BANK1: variants seen among roughly 807,000 people sequenced by gnomAD.
BANK1 encodes the protein B cell scaffold protein with ankyrin repeats 1, also known as B-cell scaffold protein with ankyrin repeats.
Under a neutral mutation model 94.5 loss-of-function variants are expected in BANK1, and 95 were observed. The ratio of observed to expected loss-of-function variants is 1.00; its 90% CI spans 0.85 to 1.19. The LOEUF is 1.19. BANK1 is among the 50% of genes most tolerant of loss of function. BANK1 has a pLI of 0.00. For synonymous variants in BANK1, 334 were observed against 308.4 expected, an observed-to-expected ratio of 1.08 and a Z score of -0.87; for missense variants, 987 against 932.2, an observed-to-expected ratio of 1.06 and a Z score of -0.77.
intron 7 of BANK1, among the ~76,000 whole-genome samples, chr4:101,931,293 G>A (rs1476890742): frequency 6.6e-6 from 1 of 151,534 alleles, no homozygotes. Context: ...AAAGCAGATT[G>A]CTTTTCCAAA....
chr4:101,914,364 T>C (rs1722760149), intron 6 of BANK1, among the ~76,000 whole-genome samples: 2 of 152,092 alleles, frequency 1.3e-5, no homozygotes, highest in Non-Finnish European at 2.9e-5. Context: ...GGGCCATAGC[T>C]TCTCTCAGAG....
At chr4:101,898,099 C>T (rs1722154064) in intron 6 of BANK1, among the ~76,000 whole-genome samples, 1 of 151,518 alleles carries the variant, frequency 6.6e-6, no homozygotes, top group African/African-American at 2.4e-5. Context: ...TATAACAGAG[C>T]CAAAGAATCT....
At chr4:101,873,821 A>G (rs1728390760) in intron 5 of BANK1, among the ~76,000 whole-genome samples, 1 of 152,212 alleles carries the variant, frequency 6.6e-6, no homozygotes, top group Non-Finnish European at 1.5e-5. Context: ...TTGAAGTGCT[A>G]GTGTTAGAAA....
Position 101,968,837 on chromosome 4 carries a change from C to G in BANK1, c.1206+50648C>G, listed in dbSNP as rs73834519. On this transcript the variant is annotated intron_variant, in intron 7 of 16. Coordinates refer to ENST00000322953, the MANE Select transcript of BANK1 (RefSeq NM_017935.5). ...AGATACCTTACTCCTGAGAAGAAAA[C>G]AGAAAAGTTGACTGCAAAATAATGA... Among the ~76,000 whole-genome samples, 998 of 152,058 alleles carry G rather than the reference C, an allele frequency of 6.6e-3. 16 individuals are homozygous for G. Among genetic ancestry groups the G allele is most frequent in the East Asian group, 0.057 (294 of 5,152 alleles).
At chr4:102,025,054 TA>T in intron 8 of BANK1, 146 bp from the exon 9 acceptor site, 2 of 855,470 alleles carry the variant, frequency 2.3e-6, no homozygotes, top group Non-Finnish European at 3.6e-6. Flanking sequence ...GACTGTTCAC[TA>T]AAAGTTACAC....
rs546077327 is a variant in BANK1, at chr4:101,850,176, A to T, written c.470-4859A>T. On this transcript the variant is annotated intron_variant, in intron 2 of 16. Coordinates refer to ENST00000322953, the MANE Select transcript of BANK1 (RefSeq NM_017935.5). ...AACTGTAAAAACTCATTAGAGTATA[A>T]AATATTTTTATTATTGCACTTAATA... is the stretch of plus-strand genomic sequence containing the variant. Among the ~76,000 whole-genome samples the T allele has an allele frequency of 3.9e-5, 6 of 152,330 alleles. No homozygotes were observed. The South Asian group carries it at 1.2e-3, about 32-fold the overall frequency.
chr4:101,869,555 C>T (rs1395492462), intron 4 of BANK1, among the ~76,000 whole-genome samples: 1 of 151,846 alleles, frequency 6.6e-6, no homozygotes, highest in Non-Finnish European at 1.5e-5. Context: ...TTAAGTTTCC[C>T]TCAGCAATAT....
intron 5 of BANK1, among the ~76,000 whole-genome samples, chr4:101,877,088 G>A (rs1401644880): frequency 2.0e-5 from 3 of 152,068 alleles, no homozygotes; most frequent in African/African-American, 7.2e-5. Flanking sequence ...CTAGGGGTTA[G>A]TGGCCTTAAG....
At chr4:101,967,213 T>C (rs1724795337) in intron 7 of BANK1, among the ~76,000 whole-genome samples, 1 of 152,066 alleles carries the variant, frequency 6.6e-6, no homozygotes, top group Non-Finnish European at 1.5e-5. Context: ...TTTGCATGTG[T>C]CAACTAATTT....
intron 6 of BANK1, among the ~76,000 whole-genome samples, chr4:101,913,634 ACT>A (rs1054923184): frequency 6.6e-6 from 1 of 151,372 alleles, no homozygotes; most frequent in African/African-American, 2.4e-5. Context: ...GTCCTCAAAG[ACT>A]CTTTTTCTGA....
intron 6 of BANK1, among the ~76,000 whole-genome samples, chr4:101,903,549 G>A (rs551927381): frequency 1.3e-5 from 2 of 152,250 alleles, no homozygotes; most frequent in South Asian, 2.1e-4. Flanking sequence ...AGCAAATCTA[G>A]AGTCTTCTCT....
At chr4:102,055,457 A>AT (rs1431251336) in intron 11 of BANK1, among the ~76,000 whole-genome samples, 1 of 152,002 alleles carries the variant, frequency 6.6e-6, no homozygotes, top group Non-Finnish European at 1.5e-5. Context: ...TACTATTAAT[A>AT]TTTTTACTTA....
At position 101,862,631 on chromosome 4, in the gene BANK1, TG is replaced by T; in HGVS notation, c.732del (p.Trp244Ter). On this transcript the variant is annotated frameshift_variant, in exon 4 of 17. Coordinates refer to ENST00000322953, the MANE Select transcript of BANK1 (RefSeq NM_017935.5). LOFTEE classifies it high-confidence loss of function. ...NKRIRTRPAL[W>X]NKKVWCMKAL... Reference sequence around the variant, plus strand: ...GCGCATTAGAACACGGCCAGCCCTTTGGAATAAGAAAGTCTGGTGCATGAAA... The same window carrying T: ...GCGCATTAGAACACGGCCAGCCCTTTGAATAAGAAAGTCTGGTGCATGAAA... 6.2e-7 allele frequency: 1 copy of T among 1,609,012 alleles called. No individual in the cohort carries two copies.
intron 14 of BANK1, among the ~76,000 whole-genome samples, chr4:102,071,798 A>T (rs1728771805): frequency 6.6e-6 from 1 of 152,178 alleles, no homozygotes; most frequent in Non-Finnish European, 1.5e-5. Context: ...ATGGGATAGT[A>T]AGGAGGAGCT....
chr4:101,793,186 C>T (rs562653687), intron 1 of BANK1, among the ~76,000 whole-genome samples: 4 of 152,286 alleles, frequency 2.6e-5, no homozygotes, highest in South Asian at 4.2e-4. Context: ...TTTCACCTTA[C>T]GCTGGATGCT....
At chr4:102,069,229 A>AAAT (rs1728682546) in intron 13 of BANK1, among the ~76,000 whole-genome samples, 1 of 152,208 alleles carries the variant, frequency 6.6e-6, no homozygotes. Context: ...ATAAATATGG[A>AAAT]AATATAGTTG....
intron 2 of BANK1, among the ~76,000 whole-genome samples, chr4:101,847,948 C>A (rs569176563): frequency 2.0e-4 from 30 of 152,246 alleles, no homozygotes; most frequent in African/African-American, 5.3e-4. Flanking sequence ...AGTTTTACCC[C>A]CTGCTCCTCT....
intron 7 of BANK1, among the ~76,000 whole-genome samples, chr4:101,984,830 G>A (rs920911300): frequency 6.6e-6 from 1 of 152,072 alleles, no homozygotes; most frequent in Non-Finnish European, 1.5e-5. Flanking sequence ...AAAATCCTTT[G>A]AGTCTTTTTG....
Position 102,052,048 on chromosome 4 carries a change from G to A in BANK1, c.1969+8141G>A, listed in dbSNP as rs1213401054. Among the ~76,000 whole-genome samples the A allele has an allele frequency of 2.0e-5, 3 of 151,448 alleles. No homozygotes were observed. In the East Asian group the frequency reaches 5.8e-4, roughly 29 times the overall value. ...AATTTGACCTGAACACAAGGAAAGA[G>A]CCAAAGGACACATAAACACCAAAAG... On this transcript the variant is annotated intron_variant, in intron 11 of 16. Coordinates refer to ENST00000322953, the MANE Select transcript of BANK1 (RefSeq NM_017935.5).
Sources: allele counts gnomAD v4.1 joint callset (sites outside exome capture counted in the v4.1 genomes callset), GRCh38; gene constraint gnomAD v4.1.1; transcripts MANE v1.5; gene names NCBI Gene and HGNC (gene_info 2026-07-23, HGNC 2026-07-21).